Variants in ME1 observed in about 807,000 individuals in gnomAD.
ME1 encodes the protein malic enzyme 1.
A neutral mutation model predicts 66.4 loss-of-function variants in ME1; 74 were observed. That is an observed-to-expected ratio of 1.11 (90% CI 0.92 to 1.35). ME1 has a LOEUF of 1.35. Among genes scored for constraint, ME1 ranks in the 40% most tolerant of loss-of-function variants. The pLI is 0.00. For missense variants in ME1, 750 were observed against 694.1 expected, an observed-to-expected ratio of 1.08 and a Z score of -0.90; for synonymous variants, 251 against 235.6, an observed-to-expected ratio of 1.07 and a Z score of -0.60.
chr6:83,314,767 A>G (rs2128539102), intron 6 of ME1, among the ~76,000 whole-genome samples: 1 of 152,276 alleles, frequency 6.6e-6, no homozygotes, highest in East Asian at 1.9e-4. Flanking sequence ...CATTTTAATC[A>G]AATATTATAG....
At chr6:83,376,581 C>T (rs1029595881) in intron 3 of ME1, among the ~76,000 whole-genome samples, 1 of 151,156 alleles carries the variant, frequency 6.6e-6, no homozygotes, top group African/African-American at 2.4e-5. Context: ...CGGGCTGATC[C>T]CCCAAGGCCA....
chr6:83,239,332 A>C (rs1790469177), intron 8 of ME1, among the ~76,000 whole-genome samples: 1 of 152,032 alleles, frequency 6.6e-6, no homozygotes, highest in Admixed American at 6.6e-5. Flanking sequence ...CAAATTTAAA[A>C]CTGTGAAAAA....
intron 5 of ME1, among the ~76,000 whole-genome samples, chr6:83,342,344 C>A (rs1768603161): frequency 6.6e-6 from 1 of 152,120 alleles, no homozygotes; most frequent in South Asian, 2.1e-4. Flanking sequence ...TCTTTGTTCA[C>A]CAGTAACAAG....
At chr6:83,322,959 T>C (rs1313212191) in intron 5 of ME1, among the ~76,000 whole-genome samples, 1 of 152,218 alleles carries the variant, frequency 6.6e-6, no homozygotes, top group Admixed American at 6.5e-5. Context: ...TGGATCTCTC[T>C]GCAGAAATTC....
chr6:83,421,257 A>G (rs536284862), intron 1 of ME1, among the ~76,000 whole-genome samples: 1 of 152,058 alleles, frequency 6.6e-6, no homozygotes, highest in Non-Finnish European at 1.5e-5. Context: ...TTGGTATAGC[A>G]ACTATGTACC....
chr6:83,215,764 A>G (rs1789980313), intron 13 of ME1, among the ~76,000 whole-genome samples: 1 of 152,192 alleles, frequency 6.6e-6, no homozygotes, highest in Non-Finnish European at 1.5e-5. Flanking sequence ...TCTTTATCTT[A>G]GACTTCTAGC....
At chr6:83,343,117 T>G (rs888425954) in intron 5 of ME1, among the ~76,000 whole-genome samples, 2 of 152,162 alleles carry the variant, frequency 1.3e-5, no homozygotes, top group Non-Finnish European at 2.9e-5. Context: ...ATTCCTTCAA[T>G]TGACATATTT....
rs1334462041 is a variant in ME1, at chr6:83,315,352, T to C, written c.662A>G (p.Tyr221Cys). 1.9e-6 allele frequency: 3 copies of C among 1,612,526 alleles called. No individual in the cohort carries two copies. Among genetic ancestry groups the C allele is most frequent in the Middle Eastern group, 1.6e-4 (1 of 6,062 alleles). The change falls in exon 6 of 14, where the codon TAT becomes TGT. Residue 221 changes from tyrosine (Y) to cysteine (C), a missense_variant. Physicochemically the swap from Tyr to Cys is radical, Grantham distance 194. Transcript: ENST00000369705. Reference sequence around the variant, plus strand: ...CATGAATTCGTCCAAAAAATCATCATATTCAGAACCTCTTACTCTTCTCTG... The same window carrying C: ...CATGAATTCGTCCAAAAAATCATCACATTCAGAACCTCTTACTCTTCTCTG... ...LRQRRVRGSEYDDFLDEFMEA... is the reference protein window; with the variant it reads ...LRQRRVRGSECDDFLDEFMEA...
chr6:83,365,653 A>T (rs1769089582), intron 3 of ME1, among the ~76,000 whole-genome samples: 1 of 152,212 alleles, frequency 6.6e-6, no homozygotes, highest in African/African-American at 2.4e-5. Flanking sequence ...TGAGGCCAGG[A>T]GTTCCTTACT....
intron 3 of ME1, among the ~76,000 whole-genome samples, chr6:83,366,361 A>G (rs1769100575): frequency 6.6e-6 from 1 of 152,170 alleles, no homozygotes; most frequent in Non-Finnish European, 1.5e-5. Flanking sequence ...GAAATCCCAT[A>G]GAACCCTGCT....
chr6:83,398,976 C>T (rs1302247385), intron 2 of ME1, among the ~76,000 whole-genome samples: 3 of 152,000 alleles, frequency 2.0e-5, no homozygotes, highest in Non-Finnish European at 4.4e-5. Context: ...CCACACCCGG[C>T]TTATTTTTTA....
chr6:83,383,799 A>G (rs1769452459), intron 3 of ME1, among the ~76,000 whole-genome samples: 1 of 151,880 alleles, frequency 6.6e-6, no homozygotes, highest in Admixed American at 6.6e-5. Context: ...GTTAAATGAG[A>G]AACTTCTTTG....
chr6:83,247,644 T>C (rs1354376600), intron 7 of ME1, among the ~76,000 whole-genome samples: 2 of 152,144 alleles, frequency 1.3e-5, no homozygotes, highest in Non-Finnish European at 2.9e-5. Context: ...GCAATTTCTG[T>C]GCCTGCAGAG....
chr6:83,421,858 G>A (rs1222694463), intron 1 of ME1, among the ~76,000 whole-genome samples: 2 of 152,130 alleles, frequency 1.3e-5, no homozygotes, highest in African/African-American at 4.8e-5. Context: ...CTAAGGTAAG[G>A]GAATCATTCT....
At chr6:83,239,978 C>T (rs1475346276) in intron 7 of ME1, among the ~76,000 whole-genome samples, 1 of 152,028 alleles carries the variant, frequency 6.6e-6, no homozygotes, top group African/African-American at 2.4e-5. Context: ...TTATTGTGTA[C>T]ATCAAATAGA....
chr6:83,314,479 A>T (rs1767988706), intron 6 of ME1, among the ~76,000 whole-genome samples: 1 of 152,216 alleles, frequency 6.6e-6, no homozygotes, highest in South Asian at 2.1e-4. Flanking sequence ...GTGATGCCAA[A>T]CAACCATACA....
At chr6:83,330,385 A>G (rs2128541995) in intron 5 of ME1, among the ~76,000 whole-genome samples, 1 of 152,332 alleles carries the variant, frequency 6.6e-6, no homozygotes, top group African/African-American at 2.4e-5. Flanking sequence ...GTAAGAGTCT[A>G]AAACCAGTAC....
At chr6:83,420,387 C>T (rs1770241595) in intron 1 of ME1, among the ~76,000 whole-genome samples, 1 of 152,132 alleles carries the variant, frequency 6.6e-6, no homozygotes, top group Non-Finnish European at 1.5e-5. Context: ...TATCTTTAGA[C>T]CTACATACTC....
At chr6:83,323,517 A>G (rs890173450) in intron 5 of ME1, among the ~76,000 whole-genome samples, 6 of 152,236 alleles carry the variant, frequency 3.9e-5, no homozygotes, top group Admixed American at 2.0e-4. Context: ...AAACAAAAAA[A>G]AAACCCCAGA....
Sources: allele counts gnomAD v4.1 joint callset (sites outside exome capture counted in the v4.1 genomes callset), GRCh38; gene constraint gnomAD v4.1.1; transcripts MANE v1.5; gene names NCBI Gene and HGNC (gene_info 2026-07-23, HGNC 2026-07-21).